PEBP4: variants seen among roughly 807,000 people sequenced by gnomAD.
PEBP4 encodes the protein phosphatidylethanolamine binding protein 4, also known as phosphatidylethanolamine-binding protein 4.
In PEBP4, 22 loss-of-function variants were observed where a neutral mutation model predicts 23.9. The ratio of observed to expected loss-of-function variants is 0.92; its 90% confidence interval spans 0.66 to 1.31. The LOEUF (loss-of-function observed/expected upper bound fraction) is 1.31. PEBP4 is among the 40% of genes most tolerant of loss of function. The probability of loss-of-function intolerance (pLI) is 0.00; values close to 1 mark genes in which losing one functional copy is unlikely to be tolerated. For synonymous variants in PEBP4, 112 were observed against 99.3 expected, an observed-to-expected ratio of 1.13 and a Z score of -0.76; for missense variants, 324 against 281.7, an observed-to-expected ratio of 1.15 and a Z score of -1.07.
At chr8:22,725,996 T>TAC (rs1459157431) in intron 5 of PEBP4, among the ~76,000 whole-genome samples, 29 of 119,612 alleles carry the variant, frequency 2.4e-4, no homozygotes, top group African/African-American at 9.5e-4. Context: ...GCAGATCAGA[T>TAC]ATATGTGTGT....
intron 3 of PEBP4, among the ~76,000 whole-genome samples, chr8:22,916,516 G>C (rs1202788307): frequency 2.6e-5 from 4 of 152,020 alleles, no homozygotes; most frequent in East Asian, 3.9e-4. Context: ...CCCACCCCTA[G>C]GGGGAGGAGA....
intron 3 of PEBP4, among the ~76,000 whole-genome samples, chr8:22,902,529 C>A (rs542101222): frequency 4.2e-4 from 64 of 152,084 alleles, no homozygotes; most frequent in Non-Finnish European, 7.2e-4. Flanking sequence ...CATGTAGGAT[C>A]TGATGCCTGG....
chr8:22,839,762 G>A lies in PEBP4; in HGVS notation c.259-22027C>T, dbSNP rs901221652. Among the ~76,000 whole-genome samples the A allele has an allele frequency of 8.5e-5, 13 of 152,152 alleles. 1 individual carries two copies. On this transcript the variant is annotated intron_variant, in intron 3 of 6. Coordinates refer to ENST00000256404, the MANE Select transcript of PEBP4 (RefSeq NM_144962.3). ...ACAACCTGACAGACCCTCGTGATTT[G>A]TTCCGGTTCCTTCCCTCCCACTGCC... is the stretch of plus-strand genomic sequence containing the variant.
upstream of PEBP4, among the ~76,000 whole-genome samples, chr8:22,928,672 A>G (rs1031560752): frequency 6.6e-6 from 1 of 151,978 alleles, no homozygotes; most frequent in African/African-American, 2.4e-5. Context: ...TCTGCTTCTC[A>G]GAGGCGGGGG....
At chr8:22,776,527 C>T (rs533709894) in intron 4 of PEBP4, among the ~76,000 whole-genome samples, 111 of 152,042 alleles carry the variant, frequency 7.3e-4, no homozygotes, top group Non-Finnish European at 1.2e-3. Flanking sequence ...ACTGGTCTTT[C>T]GTTCCGGCTG....
At chr8:22,877,551 G>A (rs188590431) in intron 3 of PEBP4, among the ~76,000 whole-genome samples, 56 of 152,300 alleles carry the variant, frequency 3.7e-4, no homozygotes, top group South Asian at 2.5e-3. Context: ...AGGAGAGGAG[G>A]TGAGGCCAGC....
At chr8:22,821,285 C>G (rs1279881694) in intron 3 of PEBP4, among the ~76,000 whole-genome samples, 1 of 152,184 alleles carries the variant, frequency 6.6e-6, no homozygotes, top group Non-Finnish European at 1.5e-5. Flanking sequence ...CAAACAAACC[C>G]TGAAAACTGC....
At chr8:22,858,224 A>G (rs1383661570) in intron 3 of PEBP4, among the ~76,000 whole-genome samples, 3 of 151,608 alleles carry the variant, frequency 2.0e-5, no homozygotes, top group Admixed American at 2.0e-4. Flanking sequence ...AGCTTCCTGC[A>G]TTTCTTCTTA....
intron 1 of PEBP4, among the ~76,000 whole-genome samples, chr8:22,940,491 T>TTTTTTTC (rs1297163745): frequency 2.0e-4 from 4 of 19,566 alleles, no homozygotes; most frequent in Non-Finnish European, 3.6e-4. Flanking sequence ...TGAATTTCTC[T>TTTTTTTC]TTTTTTTTTT....
chr8:22,799,210 A>T (rs1336075532), intron 4 of PEBP4, among the ~76,000 whole-genome samples: 1 of 151,992 alleles, frequency 6.6e-6, no homozygotes, highest in African/African-American at 2.4e-5. Flanking sequence ...CCTCCCTTCC[A>T]CATCTCTCAC....
chr8:22,735,486 C>T (rs999473153), intron 4 of PEBP4, among the ~76,000 whole-genome samples: 3 of 152,220 alleles, frequency 2.0e-5, no homozygotes, highest in African/African-American at 7.2e-5. Context: ...AAGCCAGAAC[C>T]AGCATGTGAG....
intron 4 of PEBP4, among the ~76,000 whole-genome samples, chr8:22,785,696 T>C (rs1806013719): frequency 6.6e-6 from 1 of 151,888 alleles, no homozygotes. Context: ...TGAGCCTGAG[T>C]CCTCATTCAA....
chr8:22,713,623 G>T (rs1003419318), intron 6 of PEBP4, 87 bp from the exon 7 acceptor site: 3 of 1,573,996 alleles, frequency 1.9e-6, no homozygotes, highest in Non-Finnish European at 2.6e-6. Context: ...AGGCCGGCTC[G>T]TGGGAGCCGA....
At chr8:22,875,645 G>A (rs551014627) in intron 3 of PEBP4, among the ~76,000 whole-genome samples, 2 of 152,244 alleles carry the variant, frequency 1.3e-5, no homozygotes, top group Admixed American at 6.5e-5. Flanking sequence ...TGTCGTCTGC[G>A]AAGGCTGAAG....
chr8:22,839,307 C>T lies in PEBP4; in HGVS notation c.259-21572G>A, dbSNP rs1343019267. Among the ~76,000 whole-genome samples the T allele has an allele frequency of 7.2e-5, 11 of 151,856 alleles. No individual in the cohort carries two copies. The East Asian group carries it at 2.1e-3, about 29-fold the overall frequency. On this transcript the variant is annotated intron_variant, in intron 3 of 6. Transcript: ENST00000256404. ...GGTTGGGCTACCCAGCTGGGAGGGG[C>T]GGGGCTCTTGGGAAGAGGCAGGGGC...
chr8:22,770,510 G>C (rs1805696844), intron 4 of PEBP4, among the ~76,000 whole-genome samples: 1 of 152,206 alleles, frequency 6.6e-6, no homozygotes, highest in Admixed American at 6.5e-5. Flanking sequence ...AGGGGTCCAG[G>C]CAGGTCCCCT....
chr8:22,894,400 T>C (rs1013443960), intron 3 of PEBP4, among the ~76,000 whole-genome samples: 5 of 152,010 alleles, frequency 3.3e-5, no homozygotes, highest in Non-Finnish European at 5.9e-5. Context: ...GGTAAGACCC[T>C]GTCTCTACAA....
intron 4 of PEBP4, among the ~76,000 whole-genome samples, chr8:22,755,243 G>A (rs539903163): frequency 6.6e-6 from 1 of 151,020 alleles, no homozygotes; most frequent in Non-Finnish European, 1.5e-5. Context: ...CTAGCGGAGT[G>A]TAACAGAAAT....
chr8:22,714,749 G>A (rs28711275), intron 6 of PEBP4, among the ~76,000 whole-genome samples: 28,857 of 151,768 alleles, frequency 0.19, 3,200 homozygotes, highest in East Asian at 0.3. Context: ...CCTCCCACCT[G>A]CCTGTCTCCT....
Sources: allele counts gnomAD v4.1 joint callset (sites outside exome capture counted in the v4.1 genomes callset), GRCh38; gene constraint gnomAD v4.1.1; transcripts MANE v1.5; gene names NCBI Gene and HGNC (gene_info 2026-07-23, HGNC 2026-07-21).